The following RPUSD2 variants were observed in gnomAD, a reference collection of about 807,000 sequenced individuals.
The protein encoded by RPUSD2 is pseudouridylate synthase RPUSD2.
Under a neutral mutation model 41.5 loss-of-function variants are expected in RPUSD2, and 31 were observed. The ratio of observed to expected loss-of-function variants is 0.75; its 90% CI spans 0.56 to 1.01. The LOEUF (loss-of-function observed/expected upper bound fraction) is 1.01. Among genes scored for constraint, RPUSD2 ranks in the 50% least tolerant of loss-of-function variants. The probability of loss-of-function intolerance (pLI) is 0.00; values close to 1 mark genes in which losing one functional copy is unlikely to be tolerated. For missense variants in RPUSD2, 749 were observed against 724.7 expected (o/e 1.03, Z -0.38); for synonymous variants, 305 against 289.7 (o/e 1.05, Z -0.54).
rs763288311 is a variant in RPUSD2, at chr15:40,573,896, C to T, written c.1273C>T (p.Leu425=). ...LVAEHQAKQS[L]DVLDLCEGDL... Reference sequence around the variant, plus strand: ...AGCAGAGCACCAGGCCAAACAGAGCCTGGATGTGCTAGATCTCTGTGAGGG... The same window carrying T: ...AGCAGAGCACCAGGCCAAACAGAGCTTGGATGTGCTAGATCTCTGTGAGGG... Residue 425 remains leucine (L), a synonymous_variant, in exon 3 of 3, where the codon CTG becomes TTG. Coordinates refer to ENST00000315616, the MANE Select transcript of RPUSD2 (RefSeq NM_152260.3). The T allele has an allele frequency of 8.1e-6, 13 of 1,614,060 alleles. No individual in the cohort carries two copies. The highest frequency in any genetic ancestry group is 1.1e-5 in the Non-Finnish European group (13 of 1,180,036).
chr15:40,569,530 G>T lies in RPUSD2; in HGVS notation c.193G>T (p.Val65Phe), dbSNP rs774347007. 1.9e-6 allele frequency: 3 copies of T among 1,540,904 alleles called. No homozygotes were observed. Among genetic ancestry groups the T allele is most frequent in the Non-Finnish European group, 2.6e-6 (3 of 1,149,322 alleles). ...CGGTGACGCTGGTGGCGACGCGAAG[G>T]TTGAGCTGTCCCCCGGGCCCCCGAA... ...QNGDAGGDAKVELSPGPPKPA... is the reference protein window; with the variant it reads ...QNGDAGGDAKFELSPGPPKPA... Residue 65 changes from valine (V) to phenylalanine (F), a missense_variant, in exon 1 of 3, where the codon GTT becomes TTT. By Grantham distance (50) the Val-to-Phe change is conservative. Transcript: ENST00000315616.
chr15:40,569,344 C>A lies in RPUSD2; in HGVS notation c.7C>A (p.Leu3Met). ...GAGTGGGGGCAGCGTGGTTATGTGG[C>A]TGGACCGCCGCGGATGGCTCAGGGT... is the stretch of plus-strand genomic sequence containing the variant. Reference protein sequence around the residue: MWLDRRGWLRVLG... With the variant: MWMDRRGWLRVLG... The change falls in exon 1 of 3, where the codon CTG (leucine) becomes ATG (methionine). Residue 3 changes from leucine to methionine, a missense_variant. Coordinates refer to ENST00000315616, the MANE Select transcript of RPUSD2 (RefSeq NM_152260.3). 1.4e-6 allele frequency: 2 copies of A among 1,478,128 alleles called. No individual in the cohort carries two copies. The highest frequency in any genetic ancestry group is 1.8e-6 in the Non-Finnish European group (2 of 1,115,782). The allele number at this position is 1,478,128 out of a possible 1,614,324, so 91.6% of individuals were successfully genotyped here.
Position 40,569,611 on chromosome 15 carries a change from G to T in RPUSD2, c.274G>T (p.Ala92Ser). Residue 92 changes from alanine (A) to serine (S), a missense_variant, in exon 1 of 3, where the codon GCA becomes TCA. Transcript: ENST00000315616. ...AGTAGGCGGGGAGCATCCCTCGGCT[G>T]CAGCCCCAGGCCCGGGCAAGCATAA... ...APVGGEHPSA[A>S]APGPGKHKKR... The T allele has an allele frequency of 6.5e-7, 1 of 1,533,088 alleles. No individual in the cohort carries two copies. The allele number at this position is 1,533,088 out of a possible 1,614,324, so 95.0% of individuals were successfully genotyped here.
chr15:40,569,330 G>C lies in RPUSD2; in HGVS notation c.-8G>C. Reference sequence around the variant, plus strand: ...CGACCCTGGGAGTGGAGTGGGGGCAGCGTGGTTATGTGGCTGGACCGCCGC... The same window carrying C: ...CGACCCTGGGAGTGGAGTGGGGGCACCGTGGTTATGTGGCTGGACCGCCGC... On this transcript the variant is annotated 5_prime_UTR_variant, in exon 1 of 3. Transcript: ENST00000315616. 2.1e-6 allele frequency: 3 copies of C among 1,462,294 alleles called. No individual in the cohort carries two copies. Among genetic ancestry groups the C allele is most frequent in the Non-Finnish European group, 1.8e-6 (2 of 1,106,940 alleles). The allele number at this position is 1,462,294 out of a possible 1,614,324, so 90.6% of individuals were successfully genotyped here.
chr15:40,570,317 C>G (rs555982414), intron 1 of RPUSD2, among the ~76,000 whole-genome samples: 2 of 152,324 alleles, frequency 1.3e-5, no homozygotes, highest in Admixed American at 1.3e-4. Flanking sequence ...ATTTATGTCT[C>G]TTTACTGTGT....
intron 1 of RPUSD2, 74 bp downstream of exon 1, chr15:40,570,017 T>TGTTTTGTTTTG: frequency 1.5e-4 from 212 of 1,440,768 alleles, no homozygotes; most frequent in Middle Eastern, 1.8e-4. Context: ...TGTTTTGTTT[T>TGTTTTGTTTTG]TTAGTCTTAG....
rs1168821994 is a variant in RPUSD2 at position 40,569,356 on chromosome 15, G to T, written c.19G>T (p.Gly7Ter). MWLDRR[G>*]WLRVLGHWRY... ...CGTGGTTATGTGGCTGGACCGCCGC[G>T]GATGGCTCAGGGTTCTTGGACATTG... The change falls in exon 1 of 3, where the codon GGA becomes TGA. Residue 7 changes from glycine (G) to a stop codon, truncating the protein, a stop_gained. Coordinates refer to ENST00000315616, the MANE Select transcript of RPUSD2 (RefSeq NM_152260.3). LOFTEE classifies it high-confidence loss of function. 2 of 1,478,954 alleles carry T rather than the reference G, an allele frequency of 1.4e-6. No homozygotes were observed. Among genetic ancestry groups the T allele is most frequent in the South Asian group, 1.5e-5 (1 of 68,690 alleles). 91.6% of individuals were successfully genotyped at this position (1,478,954 alleles called of 1,614,324 possible). A position where few individuals can be genotyped will look rare whatever the true frequency, so the allele number is the denominator to read the frequency against.
intron 1 of RPUSD2, among the ~76,000 whole-genome samples, chr15:40,570,602 T>G (rs1412830980): frequency 1.3e-5 from 2 of 152,228 alleles, no homozygotes; most frequent in Non-Finnish European, 2.9e-5. Flanking sequence ...CAGACACCCC[T>G]GTCAGAAGTA....
At position 40,573,641 on chromosome 15, in the gene RPUSD2, C is replaced by T. The variant is rs752690810; in HGVS notation, c.1018C>T (p.Arg340Trp). The part of the protein sequence containing the change: ...YKVGVCRVDP[R>W]GKPCETVFQR... ...AGTAGGGGTGTGCCGTGTAGATCCCCGGGGCAAGCCCTGTGAGACAGTGTT... is the reference window on the plus strand; with the variant it reads ...AGTAGGGGTGTGCCGTGTAGATCCCTGGGGCAAGCCCTGTGAGACAGTGTT... Residue 340 changes from arginine to tryptophan, a missense_variant, in exon 3 of 3, where the codon CGG becomes TGG. Physicochemically the swap from Arg to Trp is moderately radical, Grantham distance 101. Coordinates refer to ENST00000315616, the MANE Select transcript of RPUSD2 (RefSeq NM_152260.3). The T allele has an allele frequency of 3.7e-5, 54 of 1,456,964 alleles. No individual in the cohort carries two copies. In the Admixed American group the frequency reaches 8.1e-4, roughly 22 times the overall value. The allele number at this position is 1,456,964 out of a possible 1,614,324, so 90.3% of individuals were successfully genotyped here. A position where few individuals can be genotyped will look rare whatever the true frequency, so the allele number is the denominator to read the frequency against.
At chr15:40,571,215 C>T (rs1212127432) in intron 1 of RPUSD2, among the ~76,000 whole-genome samples, 1 of 152,160 alleles carries the variant, frequency 6.6e-6, no homozygotes, top group African/African-American at 2.4e-5. Context: ...TGGTCTTGAT[C>T]TCGTGATCCA....
chr15:40,572,264 CAA>C (rs66796070), intron 2 of RPUSD2, among the ~76,000 whole-genome samples: 8 of 94,044 alleles, frequency 8.5e-5, no homozygotes, highest in Admixed American at 3.3e-4. Context: ...CCTATCTCTA[CAA>C]AAAAAAAAAA....
intron 1 of RPUSD2, among the ~76,000 whole-genome samples, chr15:40,571,053 C>T (rs1243583456): frequency 3.3e-5 from 5 of 151,122 alleles, no homozygotes; most frequent in African/African-American, 4.9e-5. Context: ...CGTGTAGTGG[C>T]GCGATCTCGG....
At position 40,569,663 on chromosome 15, in the gene RPUSD2, G is replaced by A; in HGVS notation, c.326G>A (p.Arg109His). The stretch of plus-strand genomic sequence containing the variant: ...AAGCGGCGGGGCGCAACCAGGGAGC[G>A]TGTCGTGCCGCCCCCGAAGAAGCGG... ...HKKRRGATRE[R>H]VVPPPKKRRT... is the part of the protein sequence containing the mutation. Residue 109 changes from arginine to histidine, a missense_variant, in exon 1 of 3, where the codon CGT becomes CAT. Coordinates refer to ENST00000315616, the MANE Select transcript of RPUSD2 (RefSeq NM_152260.3). 6.5e-7 allele frequency: 1 copy of A among 1,548,000 alleles called. No individual in the cohort carries two copies. The highest frequency in any genetic ancestry group is 8.7e-7 in the Non-Finnish European group (1 of 1,144,390).
chr15:40,570,934 G>A (rs1415832632), intron 1 of RPUSD2, among the ~76,000 whole-genome samples: 4 of 151,892 alleles, frequency 2.6e-5, no homozygotes, highest in Non-Finnish European at 4.4e-5. Context: ...GTTCAAGATC[G>A]TAATAAGTGA....
chr15:40,574,127 T>C lies in RPUSD2; in HGVS notation c.1504T>C (p.Cys502Arg). Residue 502 changes from cysteine (C) to arginine (R), a missense_variant, in exon 3 of 3, where the codon TGC (cysteine) becomes CGC (arginine). Coordinates refer to ENST00000315616, the MANE Select transcript of RPUSD2 (RefSeq NM_152260.3). The part of the protein sequence containing the change: ...NQETDPLCAE[C>R]RLVRQDPLPQ... ...AGAGACAGACCCACTCTGTGCAGAGTGCCGGCTGGTGCGACAGGATCCCTT... is the reference window on the plus strand; with the variant it reads ...AGAGACAGACCCACTCTGTGCAGAGCGCCGGCTGGTGCGACAGGATCCCTT... 1.2e-6 allele frequency: 2 copies of C among 1,614,072 alleles called. No homozygotes were observed. The highest frequency in any genetic ancestry group is 1.7e-6 in the Non-Finnish European group (2 of 1,179,980).
chr15:40,574,147 T>C lies in RPUSD2; in HGVS notation c.1524T>C (p.Asp508=). ...CAGAGTGCCGGCTGGTGCGACAGGATCCCTTGCCCCAAGACCTTGTGATGT... is the reference window on the plus strand; with the variant it reads ...CAGAGTGCCGGCTGGTGCGACAGGACCCCTTGCCCCAAGACCTTGTGATGT... The part of the protein sequence containing the change: ...LCAECRLVRQ[D]PLPQDLVMFL... The change falls in exon 3 of 3, where the codon GAT becomes GAC. Residue 508 remains aspartate (D), a synonymous_variant. Coordinates refer to ENST00000315616, the MANE Select transcript of RPUSD2 (RefSeq NM_152260.3). 1 of 1,614,132 alleles carries C rather than the reference T, an allele frequency of 6.2e-7. No individual in the cohort carries two copies. Among genetic ancestry groups the C allele is most frequent in the Non-Finnish European group, 8.5e-7 (1 of 1,180,014 alleles).
intron 1 of RPUSD2, 37 bp from the exon 2 acceptor site, chr15:40,571,567 G>A (rs756082150): frequency 1.3e-5 from 21 of 1,595,478 alleles, no homozygotes; most frequent in East Asian, 4.5e-5. Context: ...TACAGGCTGC[G>A]GTCCCTAGGC....
At position 40,573,760 on chromosome 15, in the gene RPUSD2, G is replaced by A. The variant is rs960676747; in HGVS notation, c.1137G>A (p.Leu379=). The change falls in exon 3 of 3, where the codon TTG becomes TTA. Residue 379 remains leucine, a synonymous_variant. Transcript: ENST00000315616. The part of the protein sequence containing the change: ...THQIRVHLQF[L]GHPILNDPIY... The stretch of plus-strand genomic sequence containing the variant: ...AGATTCGAGTCCACCTTCAGTTCTT[G>A]GGCCATCCCATTCTCAACGACCCCA... 6.2e-7 allele frequency: 1 copy of A among 1,614,102 alleles called. No homozygotes were observed. Among genetic ancestry groups the A allele is most frequent in the Non-Finnish European group, 8.5e-7 (1 of 1,180,046 alleles).
Position 40,573,668 on chromosome 15 carries a change from C to G in RPUSD2, c.1045C>G (p.Gln349Glu), listed in dbSNP as rs1376936613. ...GGGCAAGCCCTGTGAGACAGTGTTC[C>G]AGAGGCTAAGCTACAATGGCCAGTC... is the stretch of plus-strand genomic sequence containing the variant. Reference protein sequence around the residue: ...PRGKPCETVFQRLSYNGQSSV... With the variant: ...PRGKPCETVFERLSYNGQSSV... The change falls in exon 3 of 3, where the codon CAG (glutamine) becomes GAG (glutamate). Residue 349 changes from glutamine (Q) to glutamate (E), a missense_variant. Gln to Glu is a conservative substitution (Grantham distance 29). Transcript: ENST00000315616. 6.2e-7 allele frequency: 1 copy of G among 1,611,562 alleles called. No individual in the cohort carries two copies. The highest frequency in any genetic ancestry group is 1.3e-5 in the African/African-American group (1 of 74,404).
Sources: gnomAD v4.1 joint callset for allele counts (sites outside exome capture counted in the v4.1 genomes callset) on GRCh38, gnomAD v4.1.1 for gene constraint, MANE v1.5 for transcripts, NCBI Gene and HGNC (gene_info 2026-07-23, HGNC 2026-07-21) for gene names.